CPLANE1: variants seen among roughly 807,000 people sequenced by gnomAD.
The protein encoded by CPLANE1 is ciliogenesis and planar polarity effector complex subunit 1, also known as ciliogenesis and planar polarity effector 1.
In CPLANE1, 263 loss-of-function variants were observed where a neutral mutation model predicts 362.5. The observed-to-expected ratio is 0.73, with a 90% CI of 0.66 to 0.80. The LOEUF is 0.80. Among genes scored for constraint, CPLANE1 ranks in the 30% least tolerant of loss-of-function variants. The pLI is 0.00. For missense variants in CPLANE1, 3,461 were observed against 3,793.4 expected (o/e 0.91, Z 2.30); for synonymous variants, 1,212 against 1,302.6 (o/e 0.93, Z 1.50).
At chr5:37,142,090 A>G in intron 44 of CPLANE1, 1 of 1,016,666 alleles carries the variant, frequency 9.8e-7, no homozygotes, top group Non-Finnish European at 1.2e-6. Context: ...TTAATAAGTT[A>G]CACCAAGATA....
Position 37,195,971 on chromosome 5 carries a change from G to A in CPLANE1, c.3698C>T (p.Ser1233Leu). Residue 1233 changes from serine (S) to leucine (L), a missense_variant, in exon 21 of 53, where the codon TCA becomes TTA. Physicochemically the swap from Ser to Leu is moderately radical, Grantham distance 145. Transcript: ENST00000651892. The part of the protein sequence containing the change: ...QKIRMKGSLP[S>L]LSPFPQSLLN... ...TAATGACTGAGGAAAAGGACTCAGT[G>A]AAGGAAGGGATCCTTTCATTCGAAT... 2 of 1,607,506 alleles carry A rather than the reference G, an allele frequency of 1.2e-6. No individual in the cohort carries two copies. The highest frequency in any genetic ancestry group is 1.7e-6 in the Non-Finnish European group (2 of 1,177,776).
In CPLANE1 at chr5:37,180,969, G is replaced by A. The variant is rs1381413361; in HGVS notation, c.5458C>T (p.Pro1820Ser). The A allele has an allele frequency of 6.2e-7, 1 of 1,613,886 alleles. No homozygotes were observed. Residue 1820 changes from proline to serine, a missense_variant, in exon 27 of 53, where the codon CCC (proline) becomes TCC (serine). This residue lies in a region of CPLANE1 where 3,380 missense variants were observed against 3,666.1 expected (regional missense o/e 0.92). Transcript: ENST00000651892. ...ENRDTGCQIGPNIERESKSDA... is the reference protein window; with the variant it reads ...ENRDTGCQIGSNIERESKSDA... ...GATTTGCTCTCCCTCTCAATATTGG[G>A]TCCAATCTGACACCCAGTGTCACGA...
At chr5:37,190,752 CT>C (rs1004878072) in intron 21 of CPLANE1, among the ~76,000 whole-genome samples, 9 of 152,066 alleles carry the variant, frequency 5.9e-5, no homozygotes, top group Admixed American at 2.0e-4. Flanking sequence ...TATAATGGAG[CT>C]GAAAAATTTC....
intron 29 of CPLANE1, 152 bp downstream of exon 29, chr5:37,179,209 C>A: frequency 1.7e-6 from 1 of 576,562 alleles, no homozygotes; most frequent in Non-Finnish European, 3.1e-6. Context: ...AGAAAAATGC[C>A]ACACAGCATG....
chr5:37,116,485 CAAAAAAAAAAAAAAA>C (rs70976277), intron 50 of CPLANE1, among the ~76,000 whole-genome samples: 18 of 25,950 alleles, frequency 6.9e-4, no homozygotes, highest in East Asian at 1.7e-3. Context: ...GACTCTGCCT[CAAAAAAAAAAAAAAA>C]AAAAAAAAAA....
chr5:37,228,976 T>C (rs1252924531), intron 9 of CPLANE1, among the ~76,000 whole-genome samples: 1 of 152,102 alleles, frequency 6.6e-6, no homozygotes, highest in Non-Finnish European at 1.5e-5. Context: ...AAATTGTCAT[T>C]TTTGGGAGGC....
intron 42 of CPLANE1, among the ~76,000 whole-genome samples, chr5:37,151,919 A>G (rs1399974978): frequency 1.3e-5 from 2 of 152,030 alleles, no homozygotes; most frequent in African/African-American, 4.8e-5. Flanking sequence ...CCAAATAAGC[A>G]TCATAGTATC....
intron 46 of CPLANE1, among the ~76,000 whole-genome samples, chr5:37,135,750 G>A (rs995570076): frequency 6.6e-6 from 1 of 151,964 alleles, no homozygotes; most frequent in African/African-American, 2.4e-5. Context: ...GGAATAACTT[G>A]AACCAGGGAG....
chr5:37,244,484 CT>C lies in CPLANE1; in HGVS notation c.460del (p.Ser154AlafsTer28). The C allele has an allele frequency of 6.4e-7, 1 of 1,551,892 alleles. No homozygotes were observed. The highest frequency in any genetic ancestry group is 8.7e-7 in the Non-Finnish European group (1 of 1,147,018). Reference protein sequence around the residue: ...LELKNILSSKSLSLAGRWSQV... With the variant: ...LELKNILSSKXLSLAGRWSQV... The stretch of plus-strand genomic sequence containing the variant: ...GGACCACCGACCCGCCAATGAAAGG[CT>C]TTTAGAAGATAAGATATTCTTTAAT... On this transcript the variant is annotated frameshift_variant, in exon 5 of 53. Transcript: ENST00000651892.
chr5:37,180,824 A>C (rs1782484066), intron 27 of CPLANE1, 33 bp downstream of exon 27: 2 of 1,600,104 alleles, frequency 1.2e-6, no homozygotes, highest in South Asian at 2.2e-5. Flanking sequence ...TACATGTCTT[A>C]TATTGAAAAG....
intron 32 of CPLANE1, among the ~76,000 whole-genome samples, chr5:37,173,258 T>C (rs1434324488): frequency 6.6e-6 from 1 of 152,016 alleles, no homozygotes; most frequent in Admixed American, 6.6e-5. Flanking sequence ...GCACAAGAAA[T>C]ATGGATAAGA....
intron 15 of CPLANE1, among the ~76,000 whole-genome samples, chr5:37,217,374 G>A (rs1794312122): frequency 6.6e-6 from 1 of 152,114 alleles, no homozygotes; most frequent in African/African-American, 2.4e-5. Flanking sequence ...GGGAGGCCAA[G>A]GCAGGTGGAT....
rs555972529 is a variant in CPLANE1 at position 37,238,934 on chromosome 5, T to A, written c.861A>T (p.Thr287=). The A allele has an allele frequency of 9.2e-6, 14 of 1,524,980 alleles. No individual in the cohort carries two copies. The highest frequency in any genetic ancestry group is 1.2e-5 in the Non-Finnish European group (14 of 1,136,666). The allele number at this position is 1,524,980 out of a possible 1,614,324, so 94.5% of individuals were successfully genotyped here. Residue 287 remains threonine, a synonymous_variant, in exon 8 of 53, where the codon ACA becomes ACT. Coordinates refer to ENST00000651892, the MANE Select transcript of CPLANE1 (RefSeq NM_001384732.1). ...TACCACAGAGAGTAACAAAATTCAG[T>A]GTGTTTATAAATAATACCTGAGTTG... The part of the protein sequence containing the change: ...PKATQVLFIN[T]LNFVTLCGSL...
At chr5:37,104,507 C>A (rs1350480556), downstream of CPLANE1, among the ~76,000 whole-genome samples, 1 of 150,488 alleles carries the variant, frequency 6.6e-6, no homozygotes. Flanking sequence ...GGCTGAGACA[C>A]AAGAATTGCT....
chr5:37,221,200 CCTAGCCA>C (rs1795281136), intron 15 of CPLANE1, 117 bp downstream of exon 15: 2 of 575,240 alleles, frequency 3.5e-6, no homozygotes, highest in Non-Finnish European at 6.0e-6. Context: ...ATTCTGTAGT[CCTAGCCA>C]CTTGAGGCGG....
In CPLANE1 at chr5:37,224,582, T is replaced by C. The variant is rs1796041401; in HGVS notation, c.2450A>G (p.Gln817Arg). The C allele has an allele frequency of 6.4e-7, 1 of 1,551,398 alleles. No homozygotes were observed. Among genetic ancestry groups the C allele is most frequent in the Non-Finnish European group, 8.7e-7 (1 of 1,146,876 alleles). The change falls in exon 13 of 53, where the codon CAG becomes CGG. Residue 817 changes from glutamine (Q) to arginine (R), a missense_variant. By Grantham distance (43) the Gln-to-Arg change is conservative. Transcript: ENST00000651892. ...TTGATTCAAGCAATCTCCAGTACTCTGTAGGTTAGCCTGCAAATGACATAA... is the reference window on the plus strand; with the variant it reads ...TTGATTCAAGCAATCTCCAGTACTCCGTAGGTTAGCCTGCAAATGACATAA... ...SLLCHLQANL[Q>R]STGDCLNQTL...
At chr5:37,210,784 A>C in intron 16 of CPLANE1, 35 of 1,263,170 alleles carry the variant, frequency 2.8e-5, no homozygotes, top group Non-Finnish European at 3.7e-5. Context: ...CGCCTAGCTC[A>C]GCTGGCTCCT....
intron 2 of CPLANE1, among the ~76,000 whole-genome samples, chr5:37,246,662 C>T (rs1311852520): frequency 6.6e-6 from 1 of 152,110 alleles, no homozygotes; most frequent in Non-Finnish European, 1.5e-5. Context: ...CAAGGTATAA[C>T]TGAGCCAGCA....
chr5:37,106,483 C>G lies in CPLANE1; in HGVS notation c.*1119G>C, dbSNP rs1374794309. The G allele has an allele frequency of 1.6e-5, 6 of 373,984 alleles. No individual in the cohort carries two copies. Among genetic ancestry groups the G allele is most frequent in the Non-Finnish European group, 2.2e-5 (6 of 271,100 alleles). The allele number at this position is 373,984 out of a possible 1,614,324, so 23.2% of individuals were successfully genotyped here. A position where few individuals can be genotyped will look rare whatever the true frequency, so the allele number is the denominator to read the frequency against. On this transcript the variant is annotated 3_prime_UTR_variant, in exon 53 of 53. Coordinates refer to ENST00000651892, the MANE Select transcript of CPLANE1 (RefSeq NM_001384732.1). ...CAACTATCATGTATCAATAAAATAC[C>G]CATAGAATATACAAAAAAGAAACTA...
Sources: gnomAD v4.1 joint callset for allele counts (sites outside exome capture counted in the v4.1 genomes callset) on GRCh38, gnomAD v4.1.1 for gene constraint, gnomAD v4.1.1 regional missense constraint, MANE v1.5 for transcripts, NCBI Gene and HGNC (gene_info 2026-07-23, HGNC 2026-07-21) for gene names.